WDPCP: variants seen among roughly 807,000 people sequenced by gnomAD.
WDPCP encodes the protein WD repeat-containing and planar cell polarity effector protein fritz homolog.
Under a neutral mutation model 93.1 loss-of-function variants are expected in WDPCP, and 71 were observed. The observed-to-expected ratio is 0.76, with a 90% confidence interval of 0.63 to 0.93. WDPCP has a LOEUF of 0.93. WDPCP is among the 40% of genes least tolerant of loss of function. The pLI is 0.00. For missense variants in WDPCP, 844 were observed against 887.4 expected, an observed-to-expected ratio of 0.95 and a Z score of 0.62; for synonymous variants, 315 against 315.0, an observed-to-expected ratio of 1.00 and a Z score of 0.00.
At chr2:63,531,244 A>G (rs1336298295) in intron 1 of WDPCP, among the ~76,000 whole-genome samples, 2 of 152,230 alleles carry the variant, frequency 1.3e-5, no homozygotes, top group African/African-American at 4.8e-5. Context: ...CTGCCTCTGT[A>G]GACTCCACCT....
chr2:63,506,737 C>T (rs982061519), intron 1 of WDPCP, among the ~76,000 whole-genome samples: 4 of 152,070 alleles, frequency 2.6e-5, no homozygotes, highest in Non-Finnish European at 4.4e-5. Context: ...GTGCTCTTCC[C>T]TGCCAACACA....
intron 13 of WDPCP, among the ~76,000 whole-genome samples, chr2:63,310,692 C>CA (rs6146787): frequency 0.17 from 25,529 of 152,074 alleles, 2,275 homozygotes; most frequent in Middle Eastern, 0.23. Context: ...TGTAAAAAGT[C>CA]TAAAATATTT....
At chr2:63,601,951 G>A (rs927734392) in intron 3 of WDPCP, among the ~76,000 whole-genome samples, 2 of 152,120 alleles carry the variant, frequency 1.3e-5, no homozygotes, top group Non-Finnish European at 2.9e-5. Flanking sequence ...CATGGCAGAC[G>A]TAAAAAATGG....
rs36107721 is a variant in WDPCP, at chr2:63,183,603, CTGT to C, written c.1916-8774_1916-8772del. On this transcript the variant is annotated intron_variant, in intron 14 of 17. Transcript: ENST00000272321. Reference sequence around the variant, plus strand: ...ACTGATGAGAAGAATCTATATTCCGCTGTTGTTGGGTAGAGTGTTCTGTAAATG... The same window carrying C: ...ACTGATGAGAAGAATCTATATTCCGCTGTTGGGTAGAGTGTTCTGTAAATG... Among the ~76,000 whole-genome samples the C allele has an allele frequency of 9.4e-3, 1,424 of 152,138 alleles. 21 individuals are homozygous for C. The highest frequency in any genetic ancestry group is 0.043 in the East Asian group (225 of 5,184).
In WDPCP at chr2:63,485,208, C is replaced by G. The variant is rs887705550; in HGVS notation, c.254-221G>C. 2.6e-5 allele frequency among the ~76,000 whole-genome samples: 4 copies of G among 151,686 alleles called. No individual in the cohort carries two copies. The East Asian group carries it at 5.8e-4, about 22-fold the overall frequency. On this transcript the variant is annotated intron_variant, in intron 4 of 17. Transcript: ENST00000272321. Reference sequence around the variant, plus strand: ...CTAACCATAATTTTACAATGACAACCAACAAGGCTTGGAGAATCCCTGGGA... The same window carrying G: ...CTAACCATAATTTTACAATGACAACGAACAAGGCTTGGAGAATCCCTGGGA...
In WDPCP at chr2:63,825,266, G is replaced by A. The variant is rs557837905; in HGVS notation, n.222+2356C>T. Among the ~76,000 whole-genome samples, 8 of 152,146 alleles carry A rather than the reference G, an allele frequency of 5.3e-5. No individual in the cohort carries two copies. In the South Asian group the frequency reaches 1.7e-3, roughly 32 times the overall value. On this transcript the variant is annotated intron_variant and non_coding_transcript_variant, in intron 1 of 4. Coordinates refer to the WDPCP transcript ENST00000467687. ...AAAAGGCCACTCTGCCTCGCTAGTGGGTAATATTTGGCAATATATATTAAA... is the reference window on the plus strand; with the variant it reads ...AAAAGGCCACTCTGCCTCGCTAGTGAGTAATATTTGGCAATATATATTAAA...
rs1829261 is a variant in WDPCP, at chr2:63,360,022, A to G, written c.1748+18364T>C. The G allele has an allele frequency of 0.8, 121,861 of 152,218 alleles. 49,636 individuals carry two copies. Among genetic ancestry groups the G allele is most frequent in the East Asian group, 0.97 (5,019 of 5,176 alleles). 9.4% of individuals were successfully genotyped at this position (152,218 alleles called of 1,614,324 possible). A position where few individuals can be genotyped will look rare whatever the true frequency, so the allele number is the denominator to read the frequency against. ...TTGAACCCAGGAGATGGAGGTGGCA[A>G]TGAACCGCGATCACATCACTGCACT... On this transcript the variant is annotated intron_variant, in intron 12 of 17. Coordinates refer to ENST00000272321, the MANE Select transcript of WDPCP (RefSeq NM_015910.7).
At chr2:63,622,565 C>G in intron 3 of WDPCP, 1 of 1,613,962 alleles carries the variant, frequency 6.2e-7, no homozygotes, top group Non-Finnish European at 8.5e-7. Context: ...TGGTCTGATT[C>G]TGTGGGTCCA....
At chr2:63,419,902 C>T (rs1017164164) in intron 9 of WDPCP, among the ~76,000 whole-genome samples, 1 of 151,950 alleles carries the variant, frequency 6.6e-6, no homozygotes, top group Non-Finnish European at 1.5e-5. Context: ...TTTAATGTTT[C>T]GATTATTTTT....
chr2:63,768,653 C>T (rs1670181557), intron 2 of WDPCP, among the ~76,000 whole-genome samples: 1 of 152,048 alleles, frequency 6.6e-6, no homozygotes, highest in Non-Finnish European at 1.5e-5. Context: ...ATCTGTCTTG[C>T]AGGCAGCTCT....
In WDPCP at chr2:63,284,183, G is replaced by A. The variant is rs111309412; in HGVS notation, c.1813-24774C>T. ...TTAATAACAATAGCACAGAAGATAG[G>A]AGGAATGAATATATACTGTTGTCAT... is the stretch of plus-strand genomic sequence containing the variant. On this transcript the variant is annotated intron_variant, in intron 13 of 17. Coordinates refer to ENST00000272321, the MANE Select transcript of WDPCP (RefSeq NM_015910.7). Among the ~76,000 whole-genome samples the A allele has an allele frequency of 1.1e-3, 175 of 152,246 alleles. 1 individual carries two copies. Among genetic ancestry groups the A allele is most frequent in the African/African-American group, 4.0e-3 (165 of 41,534 alleles).
chr2:63,378,321 TAA>T, intron 12 of WDPCP, 63 bp downstream of exon 12: 1 of 1,606,118 alleles, frequency 6.2e-7, no homozygotes, highest in African/African-American at 1.3e-5. Context: ...ATATTTTAAT[TAA>T]AGAGGATGTC....
intron 3 of WDPCP, among the ~76,000 whole-genome samples, chr2:63,623,247 A>C (rs1276849196): frequency 6.6e-6 from 1 of 152,262 alleles, no homozygotes; most frequent in Non-Finnish European, 1.5e-5. Flanking sequence ...CAAATTGTAA[A>C]GACCATCAAC....
At chr2:63,265,258 TAAACA>T (rs1559262112) in intron 13 of WDPCP, among the ~76,000 whole-genome samples, 1 of 151,794 alleles carries the variant, frequency 6.6e-6, no homozygotes, top group African/African-American at 2.4e-5. Flanking sequence ...TTTGAAAAGA[TAAACA>T]AAACTGACTA....
At chr2:63,542,292 A>G (rs970154130) in intron 1 of WDPCP, among the ~76,000 whole-genome samples, 2 of 152,084 alleles carry the variant, frequency 1.3e-5, no homozygotes, top group African/African-American at 4.8e-5. Flanking sequence ...AGACTGACAG[A>G]TTTGGACGAG....
chr2:63,138,908 G>A (rs569470184), intron 17 of WDPCP, among the ~76,000 whole-genome samples: 4 of 151,188 alleles, frequency 2.6e-5, no homozygotes, highest in African/African-American at 9.7e-5. Context: ...ATACCTTTGT[G>A]TCCTCATAGC....
intron 14 of WDPCP, among the ~76,000 whole-genome samples, chr2:63,235,836 G>C (rs190845943): frequency 6.6e-6 from 1 of 152,148 alleles, no homozygotes; most frequent in East Asian, 1.9e-4. Flanking sequence ...GGCATAGAAA[G>C]AACAAACCTC....
At chr2:63,476,729 A>G (rs1439791491) in intron 6 of WDPCP, among the ~76,000 whole-genome samples, 1 of 152,230 alleles carries the variant, frequency 6.6e-6, no homozygotes, top group East Asian at 1.9e-4. Flanking sequence ...ATTAATAGTT[A>G]TAACTTGAAA....
At chr2:63,611,316 T>C (rs556019505) in intron 3 of WDPCP, among the ~76,000 whole-genome samples, 1 of 152,330 alleles carries the variant, frequency 6.6e-6, no homozygotes, top group Admixed American at 6.5e-5. Context: ...GCAGGATAAA[T>C]TCCTAAAACA....
Sources: allele counts gnomAD v4.1 joint callset (sites outside exome capture counted in the v4.1 genomes callset), GRCh38; gene constraint gnomAD v4.1.1; transcripts MANE v1.5; gene names NCBI Gene and HGNC (gene_info 2026-07-23, HGNC 2026-07-21).